TENM2: variants seen among roughly 807,000 people sequenced by gnomAD.
TENM2 encodes teneurin-2.
A neutral mutation model predicts 245.2 loss-of-function variants in TENM2; 52 were observed. The ratio of observed to expected loss-of-function variants is 0.21; its 90% confidence interval spans 0.17 to 0.27. The LOEUF is 0.27. TENM2 is among the 10% of genes least tolerant of loss of function. TENM2 has a pLI of 1.00. For synonymous variants in TENM2, 1,363 were observed against 1,438.9 expected (o/e 0.95, Z 1.19); for missense variants, 3,046 against 3,666.8 (o/e 0.83, Z 4.37).
the TENM2 span, among the ~76,000 whole-genome samples, chr5:167,157,239 T>C: frequency 6.6e-6 from 1 of 152,154 alleles, no homozygotes; most frequent in Non-Finnish European, 1.5e-5. Flanking sequence ...AGGCCCCTCC[T>C]TGATGAAGAT....
intron 1 of TENM2, among the ~76,000 whole-genome samples, chr5:167,293,935 C>A (rs1425677412): frequency 2.0e-5 from 3 of 151,538 alleles, no homozygotes; most frequent in Non-Finnish European, 2.9e-5. Context: ...TGTTCTCTAT[C>A]ATGGACTAAA....
the TENM2 span, among the ~76,000 whole-genome samples, chr5:167,276,683 C>A: frequency 1.6e-3 from 242 of 152,104 alleles, 1 homozygote; most frequent in African/African-American, 5.6e-3. Context: ...TTGCGTATAA[C>A]CTATGCACAT....
intron 2 of TENM2, among the ~76,000 whole-genome samples, chr5:167,615,639 T>C (rs1231898618): frequency 1.3e-5 from 2 of 152,040 alleles, no homozygotes; most frequent in Admixed American, 6.6e-5. Flanking sequence ...GCAGACAGAT[T>C]TTTTTTGAAC....
the TENM2 span, among the ~76,000 whole-genome samples, chr5:167,077,413 T>G: frequency 1.3e-5 from 2 of 152,118 alleles, no homozygotes; most frequent in African/African-American, 2.4e-5. Flanking sequence ...GAGGTCCCAA[T>G]AGGTTACATA....
At position 167,676,670 on chromosome 5, in the gene TENM2, G is replaced by C. The variant is rs180810926; in HGVS notation, c.503-199316G>C. ...TGTGTCTGTTTCAGAAGCTGAAAAG[G>C]CTGCTTTGGGATGATAGTTTTTATG... On this transcript the variant is annotated intron_variant, in intron 2 of 28. Coordinates refer to ENST00000518659, the Ensembl canonical transcript of TENM2. Among the ~76,000 whole-genome samples, 38 of 152,178 alleles carry C rather than the reference G, an allele frequency of 2.5e-4. 1 individual carries two copies. The East Asian group carries it at 5.8e-3, about 23-fold the overall frequency.
At chr5:167,045,221 C>T in the TENM2 span, among the ~76,000 whole-genome samples, 158 of 152,214 alleles carry the variant, frequency 1.0e-3, no homozygotes, top group African/African-American at 3.0e-3. Context: ...ATCTAAATTC[C>T]GGACTTATTA....
intron 2 of TENM2, among the ~76,000 whole-genome samples, chr5:167,532,810 GTA>G (rs199659123): frequency 3.5e-3 from 367 of 104,988 alleles, no homozygotes; most frequent in South Asian, 0.033. Context: ...ATATTTGTGT[GTA>G]TGTGTGTGTG....
Position 167,870,367 on chromosome 5 carries a change from A to G in TENM2, c.503-5619A>G, listed in dbSNP as rs1195132920. Among the ~76,000 whole-genome samples, 5 of 151,968 alleles carry G rather than the reference A, an allele frequency of 3.3e-5. No homozygotes were observed. In the East Asian group the frequency reaches 9.7e-4, roughly 29 times the overall value. On this transcript the variant is annotated intron_variant, in intron 2 of 28. Coordinates refer to ENST00000518659, the Ensembl canonical transcript of TENM2. ...TTTTGTCTAATGTGGAACATAGTAA[A>G]ATGAAATACTCAAGGCTTGGGCTTT...
chr5:167,090,574 G>A, the TENM2 span, among the ~76,000 whole-genome samples: 1 of 152,174 alleles, frequency 6.6e-6, no homozygotes, highest in East Asian at 1.9e-4. Flanking sequence ...CACAAATAGA[G>A]AAGTGATCTT....
chr5:167,802,727 G>A (rs565327134), intron 2 of TENM2, among the ~76,000 whole-genome samples: 4 of 152,188 alleles, frequency 2.6e-5, no homozygotes, highest in African/African-American at 9.6e-5. Context: ...CTTCTTTATT[G>A]CATCTTCTGA....
chr5:168,007,286 G>A, intron 5 of TENM2, among the ~76,000 whole-genome samples: 1 of 152,014 alleles, frequency 6.6e-6, no homozygotes. Flanking sequence ...CCGCCATCAC[G>A]CCCACCTAAT....
At chr5:167,807,410 G>A (rs555163784) in intron 2 of TENM2, among the ~76,000 whole-genome samples, 14 of 152,128 alleles carry the variant, frequency 9.2e-5, no homozygotes, top group East Asian at 5.8e-4. Context: ...TACATAGCAC[G>A]AGATCAAGTA....
At chr5:167,962,791 AG>A (rs1257673583) in intron 4 of TENM2, among the ~76,000 whole-genome samples, 3 of 152,166 alleles carry the variant, frequency 2.0e-5, no homozygotes, top group Non-Finnish European at 4.4e-5. Flanking sequence ...CAACAGTATG[AG>A]GGTAACCGCC....
the TENM2 span, among the ~76,000 whole-genome samples, chr5:167,149,525 C>T: frequency 6.6e-6 from 1 of 152,064 alleles, no homozygotes; most frequent in Non-Finnish European, 1.5e-5. Flanking sequence ...GTGCTCTGAT[C>T]TTCCTAAACT....
chr5:167,799,974 G>A (rs1549309), intron 2 of TENM2, among the ~76,000 whole-genome samples: 27,791 of 152,098 alleles, frequency 0.18, 2,700 homozygotes, highest in African/African-American at 0.21. Flanking sequence ...TAACTATCCC[G>A]TGTCATAGCT....
At chr5:167,018,465 T>G in the TENM2 span, among the ~76,000 whole-genome samples, 1 of 152,014 alleles carries the variant, frequency 6.6e-6, no homozygotes, top group Non-Finnish European at 1.5e-5. Flanking sequence ...TCTGAGTCAC[T>G]GACTGAAGAA....
At chr5:168,027,104 G>GACACAC (rs556215802) in intron 5 of TENM2, among the ~76,000 whole-genome samples, 5 of 151,718 alleles carry the variant, frequency 3.3e-5, no homozygotes, top group Non-Finnish European at 4.4e-5. Context: ...ATAAGCTACA[G>GACACAC]ACACACACAC....
intron 2 of TENM2, among the ~76,000 whole-genome samples, chr5:167,491,607 A>G (rs534234562): frequency 1.3e-5 from 2 of 152,274 alleles, no homozygotes; most frequent in Admixed American, 6.5e-5. Flanking sequence ...CTGTTACCCA[A>G]TGAACTATTG....
At chr5:167,186,047 A>G in the TENM2 span, among the ~76,000 whole-genome samples, 1 of 152,176 alleles carries the variant, frequency 6.6e-6, no homozygotes, top group African/African-American at 2.4e-5. Flanking sequence ...GGCATTTATA[A>G]TTTAGGGTAA....
Sources: gnomAD v4.1 joint callset for allele counts (sites outside exome capture counted in the v4.1 genomes callset) on GRCh38, gnomAD v4.1.1 for gene constraint, MANE v1.5 for transcripts, NCBI Gene and HGNC (gene_info 2026-07-23, HGNC 2026-07-21) for gene names.